The following EYA2 variants were observed in gnomAD, a reference collection of about 807,000 sequenced individuals.
The protein encoded by EYA2 is EYA transcriptional coactivator and phosphatase 2.
In EYA2, 31 loss-of-function variants were observed where a neutral mutation model predicts 69.2. That is an observed-to-expected ratio of 0.45 (90% CI 0.34 to 0.60). EYA2 has a LOEUF of 0.60. Ranked by LOEUF, EYA2 falls within the 20% of genes least tolerant of loss-of-function variation. The pLI, the probability that EYA2 is intolerant of heterozygous loss-of-function variation, is 0.02. For missense variants in EYA2, 622 were observed against 701.2 expected (o/e 0.89, Z 1.28); for synonymous variants, 257 against 279.4 (o/e 0.92, Z 0.80).
chr20:47,182,293 GC>G (rs767178782), intron 14 of EYA2, among the ~76,000 whole-genome samples: 28 of 151,480 alleles, frequency 1.8e-4, no homozygotes, highest in Non-Finnish European at 3.5e-4. Context: ...GGGATTACAG[GC>G]ATGAACCACC....
intron 10 of EYA2, among the ~76,000 whole-genome samples, chr20:47,144,477 C>T (rs1292267684): frequency 2.6e-5 from 4 of 152,018 alleles, no homozygotes; most frequent in African/African-American, 7.2e-5. Context: ...GGGGACTAAA[C>T]TGAAGTAGAA....
At chr20:46,987,968 A>C (rs373988667) in intron 1 of EYA2, among the ~76,000 whole-genome samples, 1,132 of 19,306 alleles carry the variant, frequency 0.059, 20 homozygotes, top group African/African-American at 0.1. Flanking sequence ...CTCTCTCTAT[A>C]TATATATATA....
chr20:47,068,592 CTG>C (rs2031200153), intron 5 of EYA2, among the ~76,000 whole-genome samples: 1 of 152,160 alleles, frequency 6.6e-6, no homozygotes, highest in African/African-American at 2.4e-5. Context: ...ATCAGACTCT[CTG>C]TGGGAAGGGC....
chr20:46,895,736 A>G (rs953926530), intron 1 of EYA2, among the ~76,000 whole-genome samples: 2 of 152,196 alleles, frequency 1.3e-5, no homozygotes. Flanking sequence ...AGGCTCCTTC[A>G]ATATATTCCT....
At chr20:47,142,969 C>A in intron 9 of EYA2, 90 bp from the exon 10 acceptor site, 1 of 1,208,966 alleles carries the variant, frequency 8.3e-7, no homozygotes, top group Non-Finnish European at 1.2e-6. Flanking sequence ...AAAACCAAAA[C>A]TGCTTTTCGG....
chr20:47,005,159 G>C (rs941182511), intron 4 of EYA2, 75 bp downstream of exon 4: 14 of 1,525,594 alleles, frequency 9.2e-6, no homozygotes, highest in Non-Finnish European at 1.2e-5. Context: ...TATTGTCTCA[G>C]CTAAATGTGG....
At chr20:46,953,172 T>C (rs887337951) in intron 1 of EYA2, among the ~76,000 whole-genome samples, 1 of 152,238 alleles carries the variant, frequency 6.6e-6, no homozygotes, top group African/African-American at 2.4e-5. Flanking sequence ...ATTTAGTGTG[T>C]GTCACTGATG....
chr20:46,924,160 T>G (rs1985300521), intron 1 of EYA2, among the ~76,000 whole-genome samples: 1 of 152,234 alleles, frequency 6.6e-6, no homozygotes, highest in Admixed American at 6.5e-5. Context: ...TAATTTAAGT[T>G]TATTTTTAAC....
intron 8 of EYA2, 90 bp downstream of exon 8, chr20:47,089,471 A>G: frequency 7.0e-7 from 1 of 1,438,412 alleles, no homozygotes; most frequent in Non-Finnish European, 9.4e-7. Context: ...TCCAAGTACG[A>G]GGCGGAGAAT....
intron 1 of EYA2, among the ~76,000 whole-genome samples, chr20:46,920,540 G>A (rs1385319749): frequency 2.0e-5 from 3 of 151,572 alleles, no homozygotes; most frequent in East Asian, 1.9e-4. Flanking sequence ...GCTTTTTTTC[G>A]GGAGGGAGAT....
chr20:46,904,505 A>C (rs1045611877), intron 1 of EYA2, among the ~76,000 whole-genome samples: 1 of 152,112 alleles, frequency 6.6e-6, no homozygotes, highest in Non-Finnish European at 1.5e-5. Context: ...CCCAGCCACA[A>C]TGGGGACATT....
chr20:47,002,723 C>G (rs1355346044), intron 3 of EYA2, among the ~76,000 whole-genome samples: 2 of 152,174 alleles, frequency 1.3e-5, no homozygotes, highest in Non-Finnish European at 2.9e-5. Context: ...TCCTCAGTAC[C>G]TAACCCCACA....
chr20:47,038,237 T>C (rs2146409868), intron 5 of EYA2, among the ~76,000 whole-genome samples: 1 of 152,230 alleles, frequency 6.6e-6, no homozygotes, highest in East Asian at 1.9e-4. Context: ...CAGTGGCTCA[T>C]ACCTGTAATC....
intron 10 of EYA2, among the ~76,000 whole-genome samples, chr20:47,160,162 C>T (rs965218000): frequency 1.8e-4 from 27 of 152,052 alleles, no homozygotes; most frequent in African/African-American, 6.5e-4. Context: ...GGAGACTAGG[C>T]TGGGAGGATA....
At chr20:47,110,286 C>T (rs994654937) in intron 9 of EYA2, among the ~76,000 whole-genome samples, 3 of 152,158 alleles carry the variant, frequency 2.0e-5, no homozygotes, top group South Asian at 4.1e-4. Flanking sequence ...CTCTGTCACT[C>T]GCTGAAGCAC....
At chr20:46,929,401 T>C (rs1985566386) in intron 1 of EYA2, among the ~76,000 whole-genome samples, 1 of 120,358 alleles carries the variant, frequency 8.3e-6, no homozygotes, top group Non-Finnish European at 1.7e-5. Flanking sequence ...GAGAAAAAGC[T>C]TGTGGACTGA....
chr20:46,999,146 T>A (rs1294111747), intron 2 of EYA2, among the ~76,000 whole-genome samples: 1 of 152,246 alleles, frequency 6.6e-6, no homozygotes, highest in Non-Finnish European at 1.5e-5. Context: ...CATAGGAATG[T>A]TGTTCCCATA....
At chr20:47,016,453 A>G (rs556918311) in intron 5 of EYA2, among the ~76,000 whole-genome samples, 156 bp downstream of exon 5, 2 of 152,326 alleles carry the variant, frequency 1.3e-5, no homozygotes, top group South Asian at 2.1e-4. Flanking sequence ...TCTGCCTTTC[A>G]TGGTCGTTAC....
chr20:47,049,698 C>G (rs920579872), intron 5 of EYA2, among the ~76,000 whole-genome samples: 2 of 151,312 alleles, frequency 1.3e-5, no homozygotes, highest in Admixed American at 6.6e-5. Context: ...GATGCTGGCA[C>G]CATGCTTGTA....
Sources: allele counts gnomAD v4.1 joint callset (sites outside exome capture counted in the v4.1 genomes callset), GRCh38; gene constraint gnomAD v4.1.1; transcripts MANE v1.5; gene names NCBI Gene and HGNC (gene_info 2026-07-23, HGNC 2026-07-21).